GRIN2A: variants seen among roughly 807,000 people sequenced by gnomAD.
GRIN2A encodes glutamate ionotropic receptor NMDA type subunit 2A.
Under a neutral mutation model 113.4 loss-of-function variants are expected in GRIN2A, and 22 were observed. The ratio of observed to expected loss-of-function variants is 0.19; its 90% CI spans 0.14 to 0.28. The LOEUF (loss-of-function observed/expected upper bound fraction) is 0.28, where lower values mean the gene tolerates loss of function less well. Ranked by LOEUF, GRIN2A falls within the 10% of genes least tolerant of loss-of-function variation. The pLI is 1.00. For missense variants in GRIN2A, 1,502 were observed against 1,887.0 expected (o/e 0.80, Z 3.78); for synonymous variants, 827 against 738.4 (o/e 1.12, Z -1.94).
chr16:10,133,461 G>T (rs911214060), intron 2 of GRIN2A, among the ~76,000 whole-genome samples: 4 of 152,130 alleles, frequency 2.6e-5, no homozygotes, highest in African/African-American at 9.7e-5. Flanking sequence ...ACAAAAATTA[G>T]CCAGGCACGG....
chr16:9,803,980 G>A (rs1260612029), intron 10 of GRIN2A, among the ~76,000 whole-genome samples: 3 of 152,164 alleles, frequency 2.0e-5, no homozygotes, highest in Admixed American at 6.5e-5. Context: ...TTCAATAGTC[G>A]TGGTGGGTTG....
intron 2 of GRIN2A, among the ~76,000 whole-genome samples, chr16:10,096,532 G>C (rs2048292774): frequency 1.9e-5 from 1 of 53,716 alleles, no homozygotes; most frequent in African/African-American, 5.9e-5. Context: ...TTTTTAAATT[G>C]TGGTAAAACA....
intron 11 of GRIN2A, among the ~76,000 whole-genome samples, chr16:9,780,707 A>T (rs1254439508): frequency 6.6e-6 from 1 of 152,270 alleles, no homozygotes. Context: ...CATAGTTTAT[A>T]GAAGGTAACA....
At chr16:9,829,801 C>A in intron 8 of GRIN2A, 149 bp from the exon 9 acceptor site, 1 of 634,378 alleles carries the variant, frequency 1.6e-6, no homozygotes. Flanking sequence ...CCTAGAACCA[C>A]AATAACTTAT....
intron 12 of GRIN2A, among the ~76,000 whole-genome samples, chr16:9,767,497 G>A (rs1300876690): frequency 6.6e-6 from 1 of 151,896 alleles, no homozygotes; most frequent in Admixed American, 6.6e-5. Flanking sequence ...TTGGTTTGCT[G>A]CAATTAGATG....
At chr16:10,100,198 C>A (rs979983088) in intron 2 of GRIN2A, among the ~76,000 whole-genome samples, 4 of 152,134 alleles carry the variant, frequency 2.6e-5, no homozygotes, top group African/African-American at 9.7e-5. Context: ...TGGAAGGCCA[C>A]AGAGACAAAT....
intron 2 of GRIN2A, among the ~76,000 whole-genome samples, chr16:10,086,537 A>G (rs1223055727): frequency 6.6e-6 from 1 of 151,254 alleles, no homozygotes; most frequent in Non-Finnish European, 1.5e-5. Flanking sequence ...TCACTAGCTC[A>G]GAAGCTGCTG....
At chr16:9,933,310 C>T (rs1303342897) in intron 3 of GRIN2A, among the ~76,000 whole-genome samples, 2 of 151,018 alleles carry the variant, frequency 1.3e-5, no homozygotes, top group East Asian at 1.9e-4. Flanking sequence ...GTACCACGCC[C>T]AGCCCATGAG....
At chr16:10,133,998 C>T (rs768018456) in intron 2 of GRIN2A, among the ~76,000 whole-genome samples, 8 of 151,568 alleles carry the variant, frequency 5.3e-5, no homozygotes, top group African/African-American at 1.7e-4. Flanking sequence ...ACCTGGACAA[C>T]GTGGTGAAAC....
intron 2 of GRIN2A, among the ~76,000 whole-genome samples, chr16:10,070,093 T>G (rs1306067954): frequency 6.6e-6 from 1 of 152,206 alleles, no homozygotes; most frequent in Non-Finnish European, 1.5e-5. Flanking sequence ...AGTGGCAACG[T>G]CTGCTCTTCT....
chr16:9,834,250 G>T lies in GRIN2A; in HGVS notation c.1652-20C>A, dbSNP rs1358690928. 1.2e-6 allele frequency: 2 copies of T among 1,613,570 alleles called. No individual in the cohort carries two copies. The highest frequency in any genetic ancestry group is 3.3e-5 in the Admixed American group (2 of 60,018). On this transcript the variant is annotated intron_variant, in intron 7 of 12. Transcript: ENST00000330684. ...ATGGTTCTGCAAATAAACAGATAAAGGAATGGAAACGTGGTTAGTTATCTC... is the reference window on the plus strand; with the variant it reads ...ATGGTTCTGCAAATAAACAGATAAATGAATGGAAACGTGGTTAGTTATCTC...
intron 10 of GRIN2A, among the ~76,000 whole-genome samples, chr16:9,815,599 T>C (rs148132906): frequency 2.3e-4 from 35 of 152,254 alleles, no homozygotes; most frequent in Non-Finnish European, 4.6e-4. Flanking sequence ...CCCAGTGGGA[T>C]GGCTACTATT....
At chr16:10,096,272 G>T (rs1218623127) in intron 2 of GRIN2A, among the ~76,000 whole-genome samples, 1 of 152,040 alleles carries the variant, frequency 6.6e-6, no homozygotes, top group Non-Finnish European at 1.5e-5. Flanking sequence ...GACATTCTCT[G>T]GACCTGTGGG....
At chr16:9,986,196 A>G (rs2045976687) in intron 2 of GRIN2A, among the ~76,000 whole-genome samples, 1 of 152,144 alleles carries the variant, frequency 6.6e-6, no homozygotes, top group East Asian at 1.9e-4. Flanking sequence ...AGAAAATCCT[A>G]CAACCAAGGA....
intron 11 of GRIN2A, among the ~76,000 whole-genome samples, chr16:9,770,802 G>T (rs905031095): frequency 1.3e-5 from 2 of 152,032 alleles, no homozygotes; most frequent in African/African-American, 2.4e-5. Context: ...TTTTAGAGTG[G>T]TTTTATAGTT....
chr16:10,156,129 G>C (rs1596561104), intron 2 of GRIN2A, among the ~76,000 whole-genome samples: 1 of 152,192 alleles, frequency 6.6e-6, no homozygotes, highest in Non-Finnish European at 1.5e-5. Context: ...GCACCTGCAC[G>C]CATACCTGAC....
intron 4 of GRIN2A, among the ~76,000 whole-genome samples, chr16:9,855,636 T>G (rs1173846513): frequency 6.6e-6 from 1 of 152,168 alleles, no homozygotes; most frequent in Non-Finnish European, 1.5e-5. Context: ...CTCCCAAATC[T>G]TTCCTGATTT....
In GRIN2A at chr16:10,137,163, G is replaced by A. The variant is rs2142240144; in HGVS notation, c.414+42835C>T. ...AAGCCAGAAAAGACAGAGTCGGAGGGGTTCACAGTGAGCAAGCTTCAGTAT... is the reference window on the plus strand; with the variant it reads ...AAGCCAGAAAAGACAGAGTCGGAGGAGTTCACAGTGAGCAAGCTTCAGTAT... On this transcript the variant is annotated intron_variant, in intron 2 of 12. Transcript: ENST00000330684. 1.3e-5 allele frequency among the ~76,000 whole-genome samples: 2 copies of A among 152,296 alleles called. 1 individual carries two copies. Among genetic ancestry groups the A allele is most frequent in the South Asian group, 4.1e-4 (2 of 4,824 alleles).
intron 3 of GRIN2A, among the ~76,000 whole-genome samples, chr16:9,923,839 A>G (rs2141588906): frequency 1.3e-5 from 2 of 152,226 alleles, no homozygotes; most frequent in African/African-American, 4.8e-5. Flanking sequence ...AAAAATCCTC[A>G]TGTGAGGCTG....
Sources: gnomAD v4.1 joint callset for allele counts (sites outside exome capture counted in the v4.1 genomes callset) on GRCh38, gnomAD v4.1.1 for gene constraint, MANE v1.5 for transcripts, NCBI Gene and HGNC (gene_info 2026-07-23, HGNC 2026-07-21) for gene names.